GNPAT: variants seen among roughly 807,000 people sequenced by gnomAD.
GNPAT encodes dihydroxyacetone phosphate acyltransferase.
GNPAT carries 30 observed loss-of-function variants against 78.4 expected under a neutral mutation model. That is an observed-to-expected ratio of 0.38 (90% CI 0.29 to 0.52). The LOEUF (loss-of-function observed/expected upper bound fraction) is 0.52. Among genes scored for constraint, GNPAT ranks in the 20% least tolerant of loss-of-function variants. The probability of loss-of-function intolerance (pLI) is 0.84; values close to 1 mark genes in which losing one functional copy is unlikely to be tolerated. For synonymous variants in GNPAT, 271 were observed against 281.1 expected (o/e 0.96, Z 0.36); for missense variants, 714 against 812.2 (o/e 0.88, Z 1.47).
At chr1:231,253,304 G>A (rs1037288880) in intron 2 of GNPAT, among the ~76,000 whole-genome samples, 11 of 152,144 alleles carry the variant, frequency 7.2e-5, no homozygotes, top group African/African-American at 2.7e-4. Context: ...CTTCAGTCTT[G>A]TCTTTAGGAG....
intron 1 of GNPAT, among the ~76,000 whole-genome samples, chr1:231,242,588 G>C (rs1684643470): frequency 6.6e-6 from 1 of 152,190 alleles, no homozygotes; most frequent in Non-Finnish European, 1.5e-5. Flanking sequence ...TTCTGTGGTG[G>C]ATATCAACTT....
chr1:231,248,991 A>G (rs1684821972), intron 1 of GNPAT, among the ~76,000 whole-genome samples: 1 of 152,220 alleles, frequency 6.6e-6, no homozygotes, highest in South Asian at 2.1e-4. Flanking sequence ...CTCAGAGTGT[A>G]TCTCTGTTGT....
intron 2 of GNPAT, 70 bp downstream of exon 2, chr1:231,251,213 T>C: frequency 4.4e-6 from 4 of 910,234 alleles, no homozygotes; most frequent in East Asian, 2.4e-5. Flanking sequence ...CTATAACTTA[T>C]TTTGCTACTT....
chr1:231,276,345 T>C (rs1209198111), intron 15 of GNPAT, 149 bp downstream of exon 15: 1 of 635,792 alleles, frequency 1.6e-6, no homozygotes, highest in African/African-American at 1.9e-5. Flanking sequence ...AGTCTGGAAT[T>C]TTCTCAAGGA....
At chr1:231,275,905 G>A (rs944085383) in intron 14 of GNPAT, among the ~76,000 whole-genome samples, 3 of 152,154 alleles carry the variant, frequency 2.0e-5, no homozygotes, top group Non-Finnish European at 2.9e-5. Flanking sequence ...GAATTTAACA[G>A]TGATAAAGCT....
Position 231,245,836 on chromosome 1 carries a change from G to A in GNPAT, c.78+4380G>A, listed in dbSNP as rs530371773. Among the ~76,000 whole-genome samples, 12 of 152,228 alleles carry A rather than the reference G, an allele frequency of 7.9e-5. 1 individual carries two copies. In the South Asian group the frequency reaches 2.3e-3, roughly 29 times the overall value. ...AACACAAAATTAGCTGGGCATGGTG[G>A]CACATGCCTGTAATCCCAGCTACTC... is the stretch of plus-strand genomic sequence containing the variant. On this transcript the variant is annotated intron_variant, in intron 1 of 15. Coordinates refer to ENST00000366647, the MANE Select transcript of GNPAT (RefSeq NM_014236.4).
chr1:231,266,881 T>TA (rs1414724843), intron 8 of GNPAT, among the ~76,000 whole-genome samples: 1 of 152,208 alleles, frequency 6.6e-6, no homozygotes, highest in Non-Finnish European at 1.5e-5. Context: ...AGAACACAGA[T>TA]ACACATTTGA....
In GNPAT at chr1:231,256,424, T is replaced by C. The variant is rs1443938659; in HGVS notation, c.262-4083T>C. ...ACCACCACAAATCTGGATGCCATCT[T>C]CAACTTCTTGCTTTTCTTTCATACG... On this transcript the variant is annotated intron_variant, in intron 2 of 15. Coordinates refer to ENST00000366647, the MANE Select transcript of GNPAT (RefSeq NM_014236.4). Among the ~76,000 whole-genome samples, 5 of 148,038 alleles carry C rather than the reference T, an allele frequency of 3.4e-5. No individual in the cohort carries two copies. The East Asian group carries it at 1.0e-3, about 31-fold the overall frequency.
chr1:231,262,957 C>T, intron 4 of GNPAT, 105 bp downstream of exon 4: 4 of 844,186 alleles, frequency 4.7e-6, no homozygotes, highest in Non-Finnish European at 7.9e-6. Flanking sequence ...ATAGCCTCTC[C>T]TCCTTTCTTC....
At chr1:231,277,299 G>T (rs1339266928) in intron 15 of GNPAT, among the ~76,000 whole-genome samples, 200 bp from the exon 16 acceptor site, 1 of 152,206 alleles carries the variant, frequency 6.6e-6, no homozygotes, top group Non-Finnish European at 1.5e-5. Context: ...TGGCCCTGTG[G>T]CTCTGGCCAT....
chr1:231,262,870 GT>G lies in GNPAT; in HGVS notation c.568+25del, dbSNP rs150946233. ...AGGAATGGGTATGTATTGTTTTTCT[GT>G]TTTTTTAACTGTAAAAATTAAAAAG... On this transcript the variant is annotated intron_variant, in intron 4 of 15. Coordinates refer to ENST00000366647, the MANE Select transcript of GNPAT (RefSeq NM_014236.4). The G allele has an allele frequency of 2.5e-6, 4 of 1,604,092 alleles. No homozygotes were observed. Among genetic ancestry groups the G allele is most frequent in the Non-Finnish European group, 2.6e-6 (3 of 1,171,366 alleles).
At chr1:231,264,487 C>G (rs1252609241) in intron 4 of GNPAT, among the ~76,000 whole-genome samples, 1 of 152,062 alleles carries the variant, frequency 6.6e-6, no homozygotes, top group East Asian at 1.9e-4. Flanking sequence ...TTTAGGGTAG[C>G]CAGGAAAGCC....
chr1:231,265,555 T>C lies in GNPAT; in HGVS notation c.696+135T>C, dbSNP rs11122265. ...CAAGAACTGCTTATAACCTCAGCAA[T>C]TGGTTTAATCTGTGTGACTCTCTTG... On this transcript the variant is annotated intron_variant, in intron 5 of 15. Coordinates refer to ENST00000366647, the MANE Select transcript of GNPAT (RefSeq NM_014236.4). 2.8e-3 allele frequency: 2,529 copies of C among 909,802 alleles called. 53 individuals are homozygous for C. The African/African-American group carries it at 0.034, about 12-fold the overall frequency. 56.4% of individuals were successfully genotyped at this position (909,802 alleles called of 1,614,324 possible).
intron 7 of GNPAT, 26 bp downstream of exon 7, chr1:231,266,191 T>C (rs1685380101): frequency 1.9e-6 from 3 of 1,612,838 alleles, no homozygotes; most frequent in Non-Finnish European, 1.7e-6. Context: ...TTTAGCTTAA[T>C]TGAGAGAATG....
At chr1:231,266,758 T>A (rs1268608371) in intron 8 of GNPAT, among the ~76,000 whole-genome samples, 2 of 152,242 alleles carry the variant, frequency 1.3e-5, no homozygotes, top group Non-Finnish European at 2.9e-5. Context: ...TATGTACTAT[T>A]ATTTTTGACC....
chr1:231,248,099 A>C (rs1684797034), intron 1 of GNPAT, among the ~76,000 whole-genome samples: 1 of 152,172 alleles, frequency 6.6e-6, no homozygotes, highest in Non-Finnish European at 1.5e-5. Flanking sequence ...AGTTGGGGGC[A>C]CCAACCCTCT....
At position 231,241,363 on chromosome 1, in the gene GNPAT, G is replaced by A. The variant is rs201209326; in HGVS notation, c.-16G>A. 4.4e-6 allele frequency: 7 copies of A among 1,608,596 alleles called. No homozygotes were observed. In the East Asian group the frequency reaches 1.3e-4, roughly 31 times the overall value. ...AGCAAAGAATCCCAGACCCCGCCCG[G>A]GAAGGCAGCCGCACCATGGAGTCTT... On this transcript the variant is annotated 5_prime_UTR_variant, in exon 1 of 16. Coordinates refer to ENST00000366647, the MANE Select transcript of GNPAT (RefSeq NM_014236.4).
chr1:231,265,491 T>A, intron 5 of GNPAT, 71 bp downstream of exon 5: 2 of 1,302,586 alleles, frequency 1.5e-6, no homozygotes, highest in Non-Finnish European at 2.2e-6. Context: ...TTTAAACTCT[T>A]AACTTCTGAA....
At chr1:231,264,329 TATTC>T (rs1270111322) in intron 4 of GNPAT, among the ~76,000 whole-genome samples, 2 of 152,234 alleles carry the variant, frequency 1.3e-5, no homozygotes, top group Non-Finnish European at 2.9e-5. Context: ...AGCCATATAA[TATTC>T]AGCAGTGTGG....
Sources: allele counts gnomAD v4.1 joint callset (sites outside exome capture counted in the v4.1 genomes callset), GRCh38; gene constraint gnomAD v4.1.1; transcripts MANE v1.5; gene names NCBI Gene and HGNC (gene_info 2026-07-23, HGNC 2026-07-21).